The following GREB1L variants were observed in gnomAD, a reference collection of about 807,000 sequenced individuals.
The protein encoded by GREB1L is GREB1 like retinoic acid receptor coactivator.
In GREB1L, 17 loss-of-function variants were observed where a neutral mutation model predicts 200.8. The ratio of observed to expected loss-of-function variants is 0.08; its 90% CI spans 0.06 to 0.13. GREB1L has a LOEUF of 0.13. Among genes scored for constraint, GREB1L ranks in the 10% least tolerant of loss-of-function variants. The pLI, the probability that GREB1L is intolerant of heterozygous loss-of-function variation, is 1.00. For synonymous variants in GREB1L, 789 were observed against 893.0 expected, an observed-to-expected ratio of 0.88 and a Z score of 2.08; for missense variants, 1,657 against 2,367.7, an observed-to-expected ratio of 0.70 and a Z score of 6.23.
At chr18:21,376,426 G>GA (rs568483529) in intron 2 of GREB1L, among the ~76,000 whole-genome samples, 3,280 of 99,450 alleles carry the variant, frequency 0.033, 65 homozygotes, top group African/African-American at 0.077. Context: ...CTATTTTTAA[G>GA]AAAAAAAAAA....
At chr18:21,432,957 T>G (rs2033277174) in intron 7 of GREB1L, among the ~76,000 whole-genome samples, 1 of 152,172 alleles carries the variant, frequency 6.6e-6, no homozygotes, top group Non-Finnish European at 1.5e-5. Flanking sequence ...TCCACCCGCC[T>G]TGGCCTCCCA....
Position 21,439,501 on chromosome 18 carries a change from C to T in GREB1L, c.833-20C>T. ...CCGCCCAGCCTCTGTTCTGAGCACTCCTCTCCTTGTGTTCTACAGATGCTG... is the reference window on the plus strand; with the variant it reads ...CCGCCCAGCCTCTGTTCTGAGCACTTCTCTCCTTGTGTTCTACAGATGCTG... On this transcript the variant is annotated intron_variant, in intron 7 of 32. Coordinates refer to ENST00000424526, the MANE Select transcript of GREB1L (RefSeq NM_001142966.3). The T allele has an allele frequency of 7.0e-7, 1 of 1,424,268 alleles. No individual in the cohort carries two copies. The allele number at this position is 1,424,268 out of a possible 1,614,324, so 88.2% of individuals were successfully genotyped here. A position where few individuals can be genotyped will look rare whatever the true frequency, so the allele number is the denominator to read the frequency against.
Position 21,522,798 on chromosome 18 carries a change from T to G in GREB1L, c.5749T>G (p.Phe1917Val). Residue 1917 changes from phenylalanine to valine, a missense_variant, in exon 33 of 33, where the codon TTT becomes GTT. Phe to Val is a conservative substitution (Grantham distance 50, BLOSUM62 -1). Around this residue, in one of 9 missense-constraint regions of GREB1L, gnomAD observed 190 missense variants for 230.2 expected, o/e 0.83. Transcript: ENST00000424526. ...ANSSDDKPLY[F>V]LTGRHV ...CAGCAGTGATGACAAGCCTCTCTAC[T>G]TTCTTACTGGACGTCATGTATGAGC... The G allele has an allele frequency of 6.4e-7, 1 of 1,551,378 alleles. No individual in the cohort carries two copies. Among genetic ancestry groups the G allele is most frequent in the South Asian group, 1.2e-5 (1 of 83,966 alleles).
At chr18:21,339,917 C>T (rs2039242849) in intron 1 of GREB1L, among the ~76,000 whole-genome samples, 1 of 152,182 alleles carries the variant, frequency 6.6e-6, no homozygotes, top group Non-Finnish European at 1.5e-5. Context: ...ACAGTGGACA[C>T]TTTATTGACA....
chr18:21,464,163 A>G (rs1057427550), intron 15 of GREB1L, among the ~76,000 whole-genome samples: 5 of 152,196 alleles, frequency 3.3e-5, no homozygotes, highest in African/African-American at 1.2e-4. Flanking sequence ...TGGAATTAGA[A>G]AATCCCCACT....
intron 10 of GREB1L, among the ~76,000 whole-genome samples, chr18:21,442,792 T>G (rs2033972663): frequency 6.6e-6 from 1 of 151,960 alleles, no homozygotes; most frequent in Non-Finnish European, 1.5e-5. Flanking sequence ...TTTTTTTTTT[T>G]TTTAAAGAAA....
intron 11 of GREB1L, 141 bp downstream of exon 11, chr18:21,444,550 T>A (rs2034100227): frequency 2.8e-6 from 2 of 706,444 alleles, no homozygotes; most frequent in Admixed American, 2.9e-5. Context: ...TTCAACCCCA[T>A]TCTCTGTAAC....
intron 1 of GREB1L, among the ~76,000 whole-genome samples, 162 bp from the exon 2 acceptor site, chr18:21,365,865 C>A (rs2143639446): frequency 6.6e-6 from 1 of 152,026 alleles, no homozygotes; most frequent in East Asian, 1.9e-4. Flanking sequence ...TGTATATTTG[C>A]TCATTATAAT....
At chr18:21,473,296 G>A (rs569056306) in intron 16 of GREB1L, 85 bp downstream of exon 16, 216 of 1,089,052 alleles carry the variant, frequency 2.0e-4, no homozygotes, top group East Asian at 5.0e-4. Context: ...ATGGCCAGGC[G>A]CGGTGGCTCA....
chr18:21,477,188 T>C lies in GREB1L; in HGVS notation c.2388T>C (p.His796=), dbSNP rs2035735911. 1 of 1,551,698 alleles carries C rather than the reference T, an allele frequency of 6.4e-7. No homozygotes were observed. Among genetic ancestry groups the C allele is most frequent in the African/African-American group, 1.4e-5 (1 of 73,058 alleles). The stretch of plus-strand genomic sequence containing the variant: ...GTGTCATTTCAGGCTCTTTGTCACA[T>C]AGCGAACCCAGTCATGGGCTAGCTG... ...LTSVISGSLS[H]SEPSHGLADR... is the part of the protein sequence containing the mutation. The change falls in exon 17 of 33, where the codon CAT becomes CAC. Residue 796 remains histidine (H), a synonymous_variant. Coordinates refer to ENST00000424526, the MANE Select transcript of GREB1L (RefSeq NM_001142966.3).
intron 1 of GREB1L, among the ~76,000 whole-genome samples, chr18:21,331,266 G>A (rs988157172): frequency 1.3e-5 from 2 of 152,208 alleles, no homozygotes; most frequent in Non-Finnish European, 2.9e-5. Flanking sequence ...CCCTCCTGCT[G>A]TCTCCTCTGA....
intron 7 of GREB1L, among the ~76,000 whole-genome samples, chr18:21,412,051 CAAAAAAAAAAAAA>C (rs962603456): frequency 2.0e-4 from 6 of 30,506 alleles, no homozygotes; most frequent in South Asian, 1.1e-3. Context: ...GACTCCGTCT[CAAAAAAAAAAAAA>C]AAAAAAAAAA....
At chr18:21,413,047 G>C (rs2031242819) in intron 7 of GREB1L, among the ~76,000 whole-genome samples, 1 of 152,280 alleles carries the variant, frequency 6.6e-6, no homozygotes, top group South Asian at 2.1e-4. Context: ...TCTAAGAAGG[G>C]AGTGGGCAGG....
intron 4 of GREB1L, among the ~76,000 whole-genome samples, chr18:21,392,617 T>C (rs1032030634): frequency 1.3e-5 from 2 of 152,132 alleles, no homozygotes; most frequent in African/African-American, 4.8e-5. Context: ...TTGAAATGAT[T>C]GAGCCCTGCA....
rs193278010 is a variant in GREB1L, at chr18:21,498,835, T to A, written c.3392-894T>A. On this transcript the variant is annotated intron_variant, in intron 21 of 32. Transcript: ENST00000424526. Reference sequence around the variant, plus strand: ...GCAGCTGAGCAAGTGAAGGGGCGGGTTTTAATCATGTCTTGTTGATGGCTG... The same window carrying A: ...GCAGCTGAGCAAGTGAAGGGGCGGGATTTAATCATGTCTTGTTGATGGCTG... Among the ~76,000 whole-genome samples, 1,224 of 151,584 alleles carry A rather than the reference T, an allele frequency of 8.1e-3. 9 individuals carry two copies. The highest frequency in any genetic ancestry group is 0.014 in the South Asian group (67 of 4,770).
At chr18:21,453,457 CAT>C (rs777451992) in intron 14 of GREB1L, among the ~76,000 whole-genome samples, 7 of 152,204 alleles carry the variant, frequency 4.6e-5, no homozygotes, top group Non-Finnish European at 7.3e-5. Flanking sequence ...TAAACTGCCA[CAT>C]GTGTTCCTGA....
chr18:21,429,129 T>TCCTTCCTTCCTTCCTTCCTTCCTC (rs1555645533), intron 7 of GREB1L, among the ~76,000 whole-genome samples: 1 of 130,778 alleles, frequency 7.6e-6, no homozygotes, highest in African/African-American at 3.3e-5. Context: ...CTTCCTTCCT[T>TCCTTCCTTCCTTCCTTCCTTCCTC]CCTTCCTTCC....
chr18:21,261,375 T>C (rs1301394016), intron 1 of GREB1L, among the ~76,000 whole-genome samples: 2 of 152,092 alleles, frequency 1.3e-5, no homozygotes, highest in Non-Finnish European at 2.9e-5. Flanking sequence ...GTAATTTTGC[T>C]TTATTTCATA....
rs781432924 is a variant in GREB1L at position 21,384,254 on chromosome 18, A to G, written c.206A>G (p.Tyr69Cys). 16 of 1,551,370 alleles carry G rather than the reference A, an allele frequency of 1.0e-5. No homozygotes were observed. The Admixed American group carries it at 1.6e-4, about 15-fold the overall frequency. The change falls in exon 4 of 33, where the codon TAC (tyrosine) becomes TGC (cysteine). Residue 69 changes from tyrosine to cysteine, a missense_variant. By Grantham distance (194) the Tyr-to-Cys change is radical (BLOSUM62 -2). Around this residue, in one of 9 missense-constraint regions of GREB1L, gnomAD observed 121 missense variants for 126.6 expected, o/e 0.96. Transcript: ENST00000424526. ...CTGGACAAAGATTTGGTAAACCGCT[A>G]CACTCAAAATGGAAGTCTGGATTTT... ...EDLDKDLVNR[Y>C]TQNGSLDFSN... is the part of the protein sequence containing the mutation.
Sources: allele counts gnomAD v4.1 joint callset (sites outside exome capture counted in the v4.1 genomes callset), GRCh38; gene constraint gnomAD v4.1.1; regional missense constraint gnomAD v4.1.1; transcripts MANE v1.5; gene names NCBI Gene and HGNC (gene_info 2026-07-23, HGNC 2026-07-21).